Variants in SMYD3 observed in about 807,000 individuals in gnomAD.
SMYD3 encodes the protein SET and MYND domain containing 3, also known as histone-lysine N-methyltransferase SMYD3.
SMYD3 carries 36 observed loss-of-function variants against 57.7 expected under a neutral mutation model. The ratio of observed to expected loss-of-function variants is 0.62; its 90% CI spans 0.48 to 0.82. The LOEUF (loss-of-function observed/expected upper bound fraction) is 0.82, where lower values mean the gene tolerates loss of function less well. SMYD3 is among the 40% of genes least tolerant of loss of function. SMYD3 has a pLI of 0.00. For missense variants in SMYD3, 515 were observed against 538.8 expected (o/e 0.96, Z 0.44); for synonymous variants, 211 against 195.0 (o/e 1.08, Z -0.68).
rs1296207248 is a variant in SMYD3 at position 246,069,561 on chromosome 1, CTTAATA to C, written c.532-139630_532-139625del. Among the ~76,000 whole-genome samples the C allele has an allele frequency of 2.4e-4, 36 of 152,288 alleles. 1 individual carries two copies. Among genetic ancestry groups the C allele is most frequent in the African/African-American group, 8.7e-4 (36 of 41,562 alleles). On this transcript the variant is annotated intron_variant, in intron 5 of 11. Transcript: ENST00000490107. ...ATGCATGTATGATTGTTTGTAATTA[CTTAATA>C]TTAATAAGCCGAACTGATAAACACA...
chr1:245,905,696 G>C (rs1329249521), intron 8 of SMYD3, among the ~76,000 whole-genome samples: 1 of 152,162 alleles, frequency 6.6e-6, no homozygotes, highest in Non-Finnish European at 1.5e-5. Flanking sequence ...GCTGATTGTA[G>C]AGCCCCAGAC....
intron 5 of SMYD3, among the ~76,000 whole-genome samples, chr1:246,105,527 G>C (rs10924507): frequency 0.37 from 55,630 of 151,936 alleles, 13,626 homozygotes; most frequent in African/African-American, 0.67. Flanking sequence ...GAAAGGCCCT[G>C]TGCTGCCCCA....
At chr1:246,257,471 C>T (rs1347250785) in intron 5 of SMYD3, among the ~76,000 whole-genome samples, 3 of 152,106 alleles carry the variant, frequency 2.0e-5, no homozygotes, top group Non-Finnish European at 4.4e-5. Context: ...ATAGCAAGCC[C>T]TGCTCTTTTT....
chr1:246,366,206 AC>A (rs2066099928), intron 1 of SMYD3, among the ~76,000 whole-genome samples: 1 of 152,252 alleles, frequency 6.6e-6, no homozygotes. Flanking sequence ...TGGTAAACTA[AC>A]TAACAAGATA....
intron 10 of SMYD3, among the ~76,000 whole-genome samples, chr1:245,833,130 T>A (rs1466936593): frequency 1.3e-5 from 2 of 149,096 alleles, no homozygotes; most frequent in Non-Finnish European, 3.0e-5. Flanking sequence ...CATTTTGGAA[T>A]AATTTTAGAT....
At chr1:246,125,038 C>CCGCAA (rs2061485878) in intron 5 of SMYD3, among the ~76,000 whole-genome samples, 1 of 144,880 alleles carries the variant, frequency 6.9e-6, no homozygotes, top group African/African-American at 2.6e-5. Flanking sequence ...CGCCACTGCA[C>CCGCAA]TCCAGCCTGG....
At chr1:245,879,217 GAAC>G (rs2148542108) in intron 8 of SMYD3, among the ~76,000 whole-genome samples, 1 of 152,304 alleles carries the variant, frequency 6.6e-6, no homozygotes, top group African/African-American at 2.4e-5. Context: ...TCACGTTCTA[GAAC>G]AACATCTGAG....
chr1:245,977,025 A>G (rs202186158), intron 5 of SMYD3, among the ~76,000 whole-genome samples: 426 of 30,728 alleles, frequency 0.014, 68 homozygotes, highest in African/African-American at 0.042. Context: ...CATCGTCTCT[A>G]GCCCAGGGAA....
chr1:246,334,791 G>T (rs2065514753), intron 3 of SMYD3, among the ~76,000 whole-genome samples: 2 of 152,126 alleles, frequency 1.3e-5, no homozygotes, highest in African/African-American at 2.4e-5. Context: ...AAAATTAACT[G>T]ATTTTCTGCA....
intron 5 of SMYD3, among the ~76,000 whole-genome samples, chr1:246,220,815 T>TAG (rs2063242068): frequency 6.6e-6 from 1 of 152,172 alleles, no homozygotes; most frequent in Non-Finnish European, 1.5e-5. Context: ...TCCTCCCCTC[T>TAG]GAGGCCTGTA....
chr1:245,976,160 C>CAGCCCAGGGAAAGCCATCGTCTCT (rs2058418250), intron 5 of SMYD3, among the ~76,000 whole-genome samples: 1 of 17,782 alleles, frequency 5.6e-5, no homozygotes, highest in African/African-American at 1.4e-4. Flanking sequence ...CCATCGTCTC[C>CAGCCCAGGGAAAGCCATCGTCTCT]GGCCCAGGGA....
At chr1:246,181,256 G>A (rs1344222232) in intron 5 of SMYD3, among the ~76,000 whole-genome samples, 1 of 152,156 alleles carries the variant, frequency 6.6e-6, no homozygotes, top group African/African-American at 2.4e-5. Context: ...TGCACTGAAG[G>A]ACAAAGGTTT....
chr1:245,993,599 T>TAGATAGATAGAC (rs750744008), intron 5 of SMYD3, among the ~76,000 whole-genome samples: 62 of 45,722 alleles, frequency 1.4e-3, no homozygotes, highest in South Asian at 5.4e-3. Flanking sequence ...GATAGATAGA[T>TAGATAGATAGAC]AGATAGATAG....
intron 10 of SMYD3, among the ~76,000 whole-genome samples, chr1:245,806,902 G>A (rs2048195435): frequency 8.8e-6 from 1 of 114,248 alleles, no homozygotes; most frequent in African/African-American, 3.7e-5. Flanking sequence ...GGGCGACAGA[G>A]CGAGACTCCG....
chr1:245,848,184 C>T (rs1358206638), intron 10 of SMYD3, among the ~76,000 whole-genome samples: 1 of 151,604 alleles, frequency 6.6e-6, no homozygotes, highest in Admixed American at 6.6e-5. Flanking sequence ...ACTGTAGCCT[C>T]GACCTCCATG....
chr1:246,186,948 G>C (rs1263139757), intron 5 of SMYD3: 3 of 984,648 alleles, frequency 3.0e-6, no homozygotes, highest in Non-Finnish European at 3.6e-6. Context: ...TGTGACTGAA[G>C]AGATGAAATG....
At chr1:246,278,661 G>C (rs953014690) in intron 5 of SMYD3, among the ~76,000 whole-genome samples, 17 of 152,068 alleles carry the variant, frequency 1.1e-4, no homozygotes, top group African/African-American at 3.9e-4. Context: ...CTTCTTCCCC[G>C]GATTTCCATA....
chr1:246,217,434 G>A (rs375310117), intron 5 of SMYD3, among the ~76,000 whole-genome samples: 6 of 152,144 alleles, frequency 3.9e-5, no homozygotes, highest in South Asian at 4.2e-4. Flanking sequence ...GCTCGAGCCC[G>A]GGAGGCAGAG....
intron 5 of SMYD3, chr1:245,953,296 A>G: frequency 4.0e-6 from 4 of 999,030 alleles, no homozygotes; most frequent in Non-Finnish European, 4.8e-6. Flanking sequence ...ACATTAATAT[A>G]TCAACTCCAA....
Sources: gnomAD v4.1 joint callset for allele counts (sites outside exome capture counted in the v4.1 genomes callset) on GRCh38, gnomAD v4.1.1 for gene constraint, MANE v1.5 for transcripts, NCBI Gene and HGNC (gene_info 2026-07-23, HGNC 2026-07-21) for gene names.